The following MYLK variants were observed in gnomAD, a reference collection of about 807,000 sequenced individuals.
MYLK encodes the protein myosin light chain kinase, smooth muscle.
In MYLK, 106 loss-of-function variants were observed where a neutral mutation model predicts 203.4. The observed-to-expected ratio is 0.52, with a 90% CI of 0.45 to 0.61. The LOEUF is 0.61. Among genes scored for constraint, MYLK ranks in the 20% least tolerant of loss-of-function variants. The probability of loss-of-function intolerance (pLI) is 0.00; values close to 1 mark genes in which losing one functional copy is unlikely to be tolerated. For missense variants in MYLK, 2,072 were observed against 2,442.3 expected, an observed-to-expected ratio of 0.85 and a Z score of 3.20; for synonymous variants, 867 against 959.5, an observed-to-expected ratio of 0.90 and a Z score of 1.78.
rs559933360 is a variant in MYLK, at chr3:123,739,031, G to A, written c.454C>T (p.Arg152Cys). 5.3e-5 allele frequency: 86 copies of A among 1,613,850 alleles called. No homozygotes were observed. Among genetic ancestry groups the A allele is most frequent in the Admixed American group, 6.7e-5 (4 of 60,002 alleles). The change falls in exon 7 of 34, where the codon CGT becomes TGT. Residue 152 changes from arginine to cysteine, a missense_variant. By Grantham distance (180) the Arg-to-Cys change is radical. This residue lies in a region of MYLK where 683 missense variants were observed against 643.8 expected (regional missense o/e 1.06). Coordinates refer to ENST00000360304, the MANE Select transcript of MYLK (RefSeq NM_053025.4). ...DRFSAPAVET[R>C]PSIWGECPPK... ...GGGCACTCCCCCCAGATGCTAGGAC[G>A]GGTCTCCACTGCTGGAGCTGAAAAT...
At chr3:123,806,364 T>C (rs921047711) in intron 3 of MYLK, among the ~76,000 whole-genome samples, 1 of 152,106 alleles carries the variant, frequency 6.6e-6, no homozygotes, top group Non-Finnish European at 1.5e-5. Flanking sequence ...GAACAGGCCA[T>C]GGTAATCTAA....
chr3:123,744,320 A>T (rs1283555581), intron 5 of MYLK, among the ~76,000 whole-genome samples: 2 of 152,244 alleles, frequency 1.3e-5, no homozygotes, highest in Non-Finnish European at 2.9e-5. Context: ...TTCTTGCATT[A>T]ACTCCTAATG....
chr3:123,868,403 T>C (rs1199547285), intron 2 of MYLK, among the ~76,000 whole-genome samples: 1 of 152,206 alleles, frequency 6.6e-6, no homozygotes, highest in African/African-American at 2.4e-5. Flanking sequence ...AAACATTAAT[T>C]GTGGAACAAT....
chr3:123,633,467 C>T (rs2058517577), intron 29 of MYLK, among the ~76,000 whole-genome samples: 1 of 152,232 alleles, frequency 6.6e-6, no homozygotes, highest in Admixed American at 6.5e-5. Flanking sequence ...AACCGGTCAA[C>T]AAATAATGTT....
At chr3:123,620,451 A>G (rs1453315862) in intron 31 of MYLK, 115 bp from the exon 32 acceptor site, 3 of 1,591,328 alleles carry the variant, frequency 1.9e-6, no homozygotes, top group Non-Finnish European at 2.6e-6. Flanking sequence ...TCCCTGGAAC[A>G]AGGACCTCCT....
chr3:123,638,159 G>C lies in MYLK; in HGVS notation c.4873C>G (p.Pro1625Ala), dbSNP rs1271496429. ...AGSLKVLFGT[P>A]EFVAPEVINY... ...ATCACTTCAGGAGCCACAAATTCTG[G>C]GGTGCCAAAGAGGACCTTCAGAGAC... Residue 1625 changes from proline to alanine, a missense_variant, in exon 29 of 34, where the codon CCA becomes GCA. This residue lies in a region of MYLK where 524 missense variants were observed against 782.4 expected (regional missense o/e 0.67). Coordinates refer to ENST00000360304, the MANE Select transcript of MYLK (RefSeq NM_053025.4). 2 of 1,614,036 alleles carry C rather than the reference G, an allele frequency of 1.2e-6. No homozygotes were observed. The highest frequency in any genetic ancestry group is 1.3e-5 in the African/African-American group (1 of 75,054).
chr3:123,840,423 C>CTATA (rs1221745435), intron 2 of MYLK, among the ~76,000 whole-genome samples: 5 of 149,906 alleles, frequency 3.3e-5, no homozygotes, highest in African/African-American at 1.2e-4. Flanking sequence ...AAGTCTCTCT[C>CTATA]TCTATATATA....
At chr3:123,666,141 A>T (rs986134775) in intron 22 of MYLK, 78 bp downstream of exon 22, 7 of 1,610,420 alleles carry the variant, frequency 4.3e-6, no homozygotes, top group Non-Finnish European at 5.9e-6. Context: ...CCAGCACGGC[A>T]TTTCTCATCC....
chr3:123,757,547 A>G (rs1354950146), intron 4 of MYLK, among the ~76,000 whole-genome samples: 1 of 152,210 alleles, frequency 6.6e-6, no homozygotes, highest in Non-Finnish European at 1.5e-5. Context: ...AAGGAGAGAA[A>G]GCAGGATTGA....
At chr3:123,639,182 G>A (rs981235706) in intron 28 of MYLK, among the ~76,000 whole-genome samples, 1 of 152,196 alleles carries the variant, frequency 6.6e-6, no homozygotes, top group Non-Finnish European at 1.5e-5. Flanking sequence ...TCAAAGGCAG[G>A]CCCTGTATGC....
At position 123,709,760 on chromosome 3, in the gene MYLK, C is replaced by A; in HGVS notation, c.1938G>T (p.Val646=). The change falls in exon 14 of 34, where the codon GTG becomes GTT. Residue 646 remains valine (V), a synonymous_variant. Transcript: ENST00000360304. ...DGSQVTMTVQ[V]SGNPPPEVIW... is the part of the protein sequence containing the mutation. ...GAGAGAGCTGCAGAGACAGACCTGA[C>A]ACTTGGACAGTCATAGTGACCTGGC... is the stretch of plus-strand genomic sequence containing the variant. 1 of 1,613,884 alleles carries A rather than the reference C, an allele frequency of 6.2e-7. No homozygotes were observed. The highest frequency in any genetic ancestry group is 8.5e-7 in the Non-Finnish European group (1 of 1,179,932).
In MYLK at chr3:123,796,810, C is replaced by G. The variant is rs574484565; in HGVS notation, c.-3-2966G>C. On this transcript the variant is annotated intron_variant, in intron 3 of 33. Transcript: ENST00000360304. ...ATGATGAGATGGGCATGCTCATACC[C>G]TCTGTGGGGAATAAAAACTGGTGTA... Among the ~76,000 whole-genome samples, 3 of 152,280 alleles carry G rather than the reference C, an allele frequency of 2.0e-5. No individual in the cohort carries two copies. The South Asian group carries it at 6.2e-4, about 32-fold the overall frequency.
At chr3:123,819,080 A>C (rs1455583488) in intron 3 of MYLK, among the ~76,000 whole-genome samples, 1 of 152,244 alleles carries the variant, frequency 6.6e-6, no homozygotes, top group Non-Finnish European at 1.5e-5. Context: ...TGCTTGGTGC[A>C]TGACAAGGAT....
chr3:123,744,584 A>G (rs2108842041), intron 5 of MYLK, among the ~76,000 whole-genome samples: 1 of 152,334 alleles, frequency 6.6e-6, no homozygotes, highest in Non-Finnish European at 1.5e-5. Context: ...GTTTTATGAT[A>G]CGGGGTTGAG....
At chr3:123,871,848 C>T (rs1016475077) in intron 2 of MYLK, among the ~76,000 whole-genome samples, 2 of 61,098 alleles carry the variant, frequency 3.3e-5, no homozygotes, top group African/African-American at 9.9e-5. Context: ...ACAAAGACAT[C>T]GGATCAATAT....
At chr3:123,780,909 A>G (rs1233367605) in intron 4 of MYLK, among the ~76,000 whole-genome samples, 2 of 152,228 alleles carry the variant, frequency 1.3e-5, no homozygotes, top group Admixed American at 6.5e-5. Context: ...AGCCAAAGAT[A>G]CACAGTACAG....
At chr3:123,879,162 G>T (rs942459529) in intron 1 of MYLK, among the ~76,000 whole-genome samples, 2 of 152,176 alleles carry the variant, frequency 1.3e-5, no homozygotes, top group African/African-American at 4.8e-5. Context: ...GGGCCTCTGG[G>T]CTTTCACTCT....
Position 123,664,212 on chromosome 3 carries a change from C to T in MYLK, c.3878G>A (p.Ser1293Asn). The change falls in exon 23 of 34, where the codon AGC becomes AAC. Residue 1293 changes from serine to asparagine, a missense_variant. Ser to Asn is a conservative substitution (Grantham distance 46). Coordinates refer to ENST00000360304, the MANE Select transcript of MYLK (RefSeq NM_053025.4). ...GCGCGCGGCCAGGATGGTGAGCTTG[C>T]TGCCATTCTCGCTGTTCTCCACCTT... ...HMKVENSENG[S>N]KLTILAARQE... 1 of 1,614,200 alleles carries T rather than the reference C, an allele frequency of 6.2e-7. No homozygotes were observed. Among genetic ancestry groups the T allele is most frequent in the Non-Finnish European group, 8.5e-7 (1 of 1,180,034 alleles).
chr3:123,636,066 G>A (rs2058631364), intron 29 of MYLK, among the ~76,000 whole-genome samples: 1 of 152,208 alleles, frequency 6.6e-6, no homozygotes, highest in African/African-American at 2.4e-5. Flanking sequence ...GGGTGCCAGA[G>A]GGCTGTGGGG....
Sources: allele counts gnomAD v4.1 joint callset (sites outside exome capture counted in the v4.1 genomes callset), GRCh38; gene constraint gnomAD v4.1.1; regional missense constraint gnomAD v4.1.1; transcripts MANE v1.5; gene names NCBI Gene and HGNC (gene_info 2026-07-23, HGNC 2026-07-21).